The following PPP1R1C variants were observed in gnomAD, a reference collection of about 807,000 sequenced individuals.
PPP1R1C encodes the protein protein phosphatase 1 regulatory subunit 1C.
Under a neutral mutation model 17.4 loss-of-function variants are expected in PPP1R1C, and 15 were observed. The observed-to-expected ratio is 0.86, with a 90% confidence interval of 0.58 to 1.33. PPP1R1C has a LOEUF of 1.33. Ranked by LOEUF, PPP1R1C falls within the 40% of genes most tolerant of loss-of-function variation. PPP1R1C has a pLI of 0.00. For missense variants in PPP1R1C, 143 were observed against 130.0 expected, an observed-to-expected ratio of 1.10 and a Z score of -0.48; for synonymous variants, 35 against 43.1, an observed-to-expected ratio of 0.81 and a Z score of 0.73.
intron 2 of PPP1R1C, among the ~76,000 whole-genome samples, chr2:182,057,822 G>A (rs1235816019): frequency 6.6e-6 from 1 of 151,872 alleles, no homozygotes; most frequent in Admixed American, 6.6e-5. Context: ...ACTCTCTGTT[G>A]CTCTTCAAAA....
At chr2:182,015,957 G>A (rs988579483) in intron 2 of PPP1R1C, among the ~76,000 whole-genome samples, 2 of 152,148 alleles carry the variant, frequency 1.3e-5, no homozygotes, top group Non-Finnish European at 2.9e-5. Flanking sequence ...ATGTGTGCGT[G>A]TGCCGGCTCC....
intron 2 of PPP1R1C, among the ~76,000 whole-genome samples, chr2:182,008,825 C>G (rs1046631882): frequency 1.3e-5 from 2 of 152,182 alleles, no homozygotes; most frequent in Non-Finnish European, 2.9e-5. Flanking sequence ...CATCATTCTA[C>G]TCTCCATCAC....
At chr2:182,100,241 G>C (rs973313581) in intron 4 of PPP1R1C, among the ~76,000 whole-genome samples, 1 of 152,134 alleles carries the variant, frequency 6.6e-6, no homozygotes, top group East Asian at 1.9e-4. Flanking sequence ...GCTGGGCGTA[G>C]TGGCTCACCC....
chr2:181,954,876 A>G (rs532690891), intron 1 of PPP1R1C, among the ~76,000 whole-genome samples: 1 of 152,270 alleles, frequency 6.6e-6, no homozygotes, highest in Non-Finnish European at 1.5e-5. Flanking sequence ...ATGTCTCCAT[A>G]CATAAATATT....
chr2:182,088,641 G>A (rs1688697886), intron 4 of PPP1R1C, among the ~76,000 whole-genome samples: 1 of 152,144 alleles, frequency 6.6e-6, no homozygotes, highest in Non-Finnish European at 1.5e-5. Context: ...AAGGCTAATG[G>A]GGGGTTTGGC....
At chr2:182,002,105 C>A (rs16867524) in intron 2 of PPP1R1C, among the ~76,000 whole-genome samples, 27,794 of 152,014 alleles carry the variant, frequency 0.18, 3,220 homozygotes, top group South Asian at 0.32. Flanking sequence ...TAGCAGGCAC[C>A]AGCACCCTTT....
intron 2 of PPP1R1C, among the ~76,000 whole-genome samples, chr2:181,997,146 G>A (rs1219558223): frequency 6.6e-6 from 1 of 151,618 alleles, no homozygotes; most frequent in Middle Eastern, 3.4e-3. Context: ...GGAGAAAGGC[G>A]TGAACCCGGG....
chr2:182,045,479 A>G (rs10497590), intron 2 of PPP1R1C, among the ~76,000 whole-genome samples: 15,535 of 151,694 alleles, frequency 0.1, 1,111 homozygotes, highest in South Asian at 0.22. Context: ...GGATGCCTTC[A>G]GTTGATTAAG....
At chr2:182,019,807 G>T (rs917220950) in intron 2 of PPP1R1C, among the ~76,000 whole-genome samples, 1 of 152,128 alleles carries the variant, frequency 6.6e-6, no homozygotes, top group African/African-American at 2.4e-5. Flanking sequence ...AAGCTCCAGG[G>T]ATCAGATCCA....
intron 2 of PPP1R1C, among the ~76,000 whole-genome samples, chr2:182,007,845 G>A (rs1685967278): frequency 6.6e-6 from 1 of 152,140 alleles, no homozygotes; most frequent in African/African-American, 2.4e-5. Context: ...GGTGGATCAC[G>A]AGGTCAGGAG....
chr2:182,034,003 A>G (rs1296717365), intron 2 of PPP1R1C, among the ~76,000 whole-genome samples: 1 of 152,206 alleles, frequency 6.6e-6, no homozygotes, highest in African/African-American at 2.4e-5. Context: ...AGAATCAAGA[A>G]GGCTTTTTAA....
In PPP1R1C at chr2:182,076,187, TTTTTCTTTTC is replaced by T. The variant is rs1559082832; in HGVS notation, c.241+12401_241+12410del. Reference sequence around the variant, plus strand: ...ATAAATCAAGGATTTTGAACTTTTTTTTTTCTTTTCTTTTTTTTTTTTTTTTTTTTTTTTT... The same window carrying T: ...ATAAATCAAGGATTTTGAACTTTTTTTTTTTTTTTTTTTTTTTTTTTTTTT... On this transcript the variant is annotated intron_variant, in intron 4 of 4. Coordinates refer to ENST00000682840, the MANE Select transcript of PPP1R1C (RefSeq NM_001080545.3). 5.3e-4 allele frequency among the ~76,000 whole-genome samples: 68 copies of T among 127,874 alleles called. 8 individuals are homozygous for T. Among genetic ancestry groups the T allele is most frequent in the African/African-American group, 2.2e-3 (64 of 29,478 alleles). The allele number at this position is 127,874 out of a possible 152,430, so 83.9% of individuals were successfully genotyped here.
intron 1 of PPP1R1C, among the ~76,000 whole-genome samples, chr2:181,970,081 A>G (rs1684977001): frequency 6.6e-6 from 1 of 150,698 alleles, no homozygotes; most frequent in South Asian, 2.1e-4. Flanking sequence ...AAGGTCACAT[A>G]TCACATATCT....
intron 2 of PPP1R1C, among the ~76,000 whole-genome samples, chr2:182,053,411 G>T (rs921975372): frequency 5.3e-5 from 8 of 151,954 alleles, no homozygotes. Flanking sequence ...GATCTTTTTC[G>T]ATTGTCTGAA....
Position 181,967,665 on chromosome 2 carries a change from TTCTC to T in PPP1R1C, n.112-7546_112-7543del, listed in dbSNP as rs1469187900. On this transcript the variant is annotated intron_variant and non_coding_transcript_variant, in intron 1 of 5. Coordinates refer to the PPP1R1C transcript ENST00000464264. The surrounding 1 kb of genome is among the most constrained non-coding windows in gnomAD (Gnocchi z 5.5). ...CCTTCCTTCCTCCCTCCCTCCCTCC[TTCTC>T]TCTCTCTTTCCTTCCTTCCTTCCTT... Among the ~76,000 whole-genome samples the T allele has an allele frequency of 6.6e-6, 1 of 151,788 alleles. No individual in the cohort carries two copies. Among genetic ancestry groups the T allele is most frequent in the Non-Finnish European group, 1.5e-5 (1 of 67,904 alleles).
intron 3 of PPP1R1C, among the ~76,000 whole-genome samples, chr2:182,061,842 AG>A (rs1687859750): frequency 1.3e-5 from 2 of 152,046 alleles, no homozygotes; most frequent in Admixed American, 6.6e-5. Flanking sequence ...CACCTCTTAC[AG>A]GGTCTTCTGG....
chr2:182,024,132 A>G (rs939534119), intron 2 of PPP1R1C, among the ~76,000 whole-genome samples: 2 of 152,236 alleles, frequency 1.3e-5, no homozygotes, highest in Non-Finnish European at 2.9e-5. Context: ...TGTAAGAATT[A>G]AAAACAGTTT....
chr2:182,031,185 C>G (rs1049113755), intron 2 of PPP1R1C, among the ~76,000 whole-genome samples: 34 of 152,344 alleles, frequency 2.2e-4, no homozygotes, highest in African/African-American at 7.9e-4. Context: ...GCATAGCTCA[C>G]GCTGGGAGCT....
At chr2:182,000,970 T>C (rs1685744333) in intron 2 of PPP1R1C, among the ~76,000 whole-genome samples, 1 of 152,184 alleles carries the variant, frequency 6.6e-6, no homozygotes, top group African/African-American at 2.4e-5. Context: ...CAACCCTCAC[T>C]GTGGAAGGAA....
Sources: gnomAD v4.1 joint callset for allele counts (sites outside exome capture counted in the v4.1 genomes callset) on GRCh38, gnomAD v4.1.1 for gene constraint, Gnocchi (gnomAD v3.1) non-coding constraint, MANE v1.5 for transcripts, NCBI Gene and HGNC (gene_info 2026-07-23, HGNC 2026-07-21) for gene names.